TMEM272: variants seen among roughly 807,000 people sequenced by gnomAD.
The protein encoded by TMEM272 is transmembrane protein 272.
A neutral mutation model predicts 3.7 loss-of-function variants in TMEM272; 8 were observed. The ratio of observed to expected loss-of-function variants is 2.17; its 90% CI spans 1.27 to 3.91. TMEM272 has a LOEUF of 3.91. Ranked by LOEUF, TMEM272 falls within the 30% of genes most tolerant of loss-of-function variation. The probability of loss-of-function intolerance (pLI) is 0.00; values close to 1 mark genes in which losing one functional copy is unlikely to be tolerated. For synonymous variants in TMEM272, 63 were observed against 39.8 expected (o/e 1.58, Z -2.20); for missense variants, 166 against 91.5 (o/e 1.81, Z -3.32).
upstream of TMEM272, among the ~76,000 whole-genome samples, chr13:51,848,083 G>A (rs549037274): frequency 4.6e-5 from 7 of 152,242 alleles, no homozygotes; most frequent in African/African-American, 7.2e-5. Flanking sequence ...TAAGAAAAAC[G>A]GGGAATCTGA....
the TMEM272 span, among the ~76,000 whole-genome samples, chr13:51,891,851 G>T: frequency 6.6e-6 from 1 of 152,158 alleles, no homozygotes; most frequent in Non-Finnish European, 1.5e-5. Context: ...TTTGCCCACT[G>T]GGCAGTGGGG....
At position 51,813,399 on chromosome 13, in the gene TMEM272, T is replaced by C; in HGVS notation, c.*3352A>G. On this transcript the variant is annotated 3_prime_UTR_variant, in exon 5 of 5. Transcript: ENST00000629372. Reference sequence around the variant, plus strand: ...ACAATGAAAAATGCCCAGAAGGAAATGAAGCACAAGATTCAGTTACACAAA... The same window carrying C: ...ACAATGAAAAATGCCCAGAAGGAAACGAAGCACAAGATTCAGTTACACAAA... The C allele has an allele frequency of 2.5e-6, 1 of 397,526 alleles. No homozygotes were observed. Among genetic ancestry groups the C allele is most frequent in the Non-Finnish European group, 4.4e-6 (1 of 225,558 alleles). The allele number at this position is 397,526 out of a possible 1,614,324, so 24.6% of individuals were successfully genotyped here.
At chr13:51,930,768 T>A in the TMEM272 span, among the ~76,000 whole-genome samples, 519 of 151,564 alleles carry the variant, frequency 3.4e-3, 1 homozygote, top group African/African-American at 0.012. Flanking sequence ...AAAAAACCCC[T>A]GCAATTCAAA....
At chr13:51,867,845 C>T in the TMEM272 span, among the ~76,000 whole-genome samples, 3 of 152,164 alleles carry the variant, frequency 2.0e-5, no homozygotes, top group Admixed American at 6.5e-5. Context: ...GGGGCCCACA[C>T]TCAAGACCTG....
At chr13:51,918,501 C>T in the TMEM272 span, among the ~76,000 whole-genome samples, 101 of 152,298 alleles carry the variant, frequency 6.6e-4, no homozygotes, top group African/African-American at 2.4e-3. Context: ...AATGATATGG[C>T]AAAACCTTGA....
chr13:51,869,398 C>T, the TMEM272 span, among the ~76,000 whole-genome samples: 2 of 152,268 alleles, frequency 1.3e-5, no homozygotes, highest in Admixed American at 1.3e-4. Flanking sequence ...ATCAATGGGG[C>T]TAGCTCCACC....
chr13:51,851,290 T>C, the TMEM272 span, among the ~76,000 whole-genome samples: 2 of 151,800 alleles, frequency 1.3e-5, no homozygotes, highest in South Asian at 4.2e-4. Flanking sequence ...GCCATGATCA[T>C]GTCACTGCAC....
intron 2 of TMEM272, among the ~76,000 whole-genome samples, chr13:51,836,578 C>T (rs1566350586): frequency 6.6e-6 from 1 of 152,182 alleles, no homozygotes; most frequent in Non-Finnish European, 1.5e-5. Context: ...AGGTGACGGC[C>T]ACCTGTCCCT....
intron 2 of TMEM272, among the ~76,000 whole-genome samples, chr13:51,837,796 T>C (rs1482333084): frequency 1.3e-5 from 2 of 152,246 alleles, no homozygotes; most frequent in Non-Finnish European, 2.9e-5. Context: ...CCCCTTGTTC[T>C]GCTGACCCTC....
At chr13:51,893,301 C>T in the TMEM272 span, among the ~76,000 whole-genome samples, 2 of 152,154 alleles carry the variant, frequency 1.3e-5, no homozygotes, top group Non-Finnish European at 2.9e-5. Flanking sequence ...TTTTAATTTG[C>T]CAGTATTAAA....
chr13:51,906,506 A>G, the TMEM272 span, among the ~76,000 whole-genome samples: 1 of 152,228 alleles, frequency 6.6e-6, no homozygotes, highest in Non-Finnish European at 1.5e-5. Context: ...ATGGGCCCTA[A>G]AGTGGGGAGT....
At chr13:51,834,096 T>C (rs139724123) in intron 2 of TMEM272, among the ~76,000 whole-genome samples, 3 of 152,266 alleles carry the variant, frequency 2.0e-5, no homozygotes, top group Non-Finnish European at 2.9e-5. Flanking sequence ...GCTGACCTGA[T>C]AGCAAGGACA....
the TMEM272 span, among the ~76,000 whole-genome samples, chr13:51,895,615 G>C: frequency 6.6e-6 from 1 of 152,074 alleles, no homozygotes; most frequent in African/African-American, 2.4e-5. Flanking sequence ...CAAGATAGCA[G>C]ACCAGGCATT....
chr13:51,878,216 G>A, the TMEM272 span, among the ~76,000 whole-genome samples: 1 of 152,274 alleles, frequency 6.6e-6, no homozygotes, highest in Middle Eastern at 3.4e-3. Flanking sequence ...GGATCATGAG[G>A]TAAGGAGATA....
chr13:51,909,510 A>C, the TMEM272 span: 1 of 999,980 alleles, frequency 1.0e-6, no homozygotes, highest in East Asian at 2.5e-5. Flanking sequence ...TCTCACTTTC[A>C]AAATGTGTGT....
At chr13:51,834,295 G>A (rs1956196997) in intron 2 of TMEM272, among the ~76,000 whole-genome samples, 1 of 152,148 alleles carries the variant, frequency 6.6e-6, no homozygotes, top group Admixed American at 6.5e-5. Flanking sequence ...ATTGCACAAA[G>A]GGTGTGTAGA....
chr13:51,891,474 C>T, the TMEM272 span, among the ~76,000 whole-genome samples: 1 of 152,202 alleles, frequency 6.6e-6, no homozygotes, highest in Non-Finnish European at 1.5e-5. Context: ...AAGGAGTTTA[C>T]ATGCATTTAC....
At chr13:51,864,958 C>T in the TMEM272 span, among the ~76,000 whole-genome samples, 4 of 152,166 alleles carry the variant, frequency 2.6e-5, no homozygotes, top group African/African-American at 9.7e-5. Context: ...GTGAGCATGC[C>T]CATAGGCAGA....
At chr13:51,846,925 G>A (rs1451944847), upstream of TMEM272, among the ~76,000 whole-genome samples, 1 of 151,986 alleles carries the variant, frequency 6.6e-6, no homozygotes, top group East Asian at 1.9e-4. Flanking sequence ...GAAGGCTATA[G>A]TAGTGTGTAG....
Sources: gnomAD v4.1 joint callset for allele counts (sites outside exome capture counted in the v4.1 genomes callset) on GRCh38, gnomAD v4.1.1 for gene constraint, MANE v1.5 for transcripts, NCBI Gene and HGNC (gene_info 2026-07-23, HGNC 2026-07-21) for gene names.